The following ABRACL variants were observed in gnomAD, a reference collection of about 807,000 sequenced individuals.
The protein encoded by ABRACL is ABRA C-terminal like.
A neutral mutation model predicts 7.0 loss-of-function variants in ABRACL; 4 were observed. The observed-to-expected ratio is 0.57, with a 90% CI of 0.28 to 1.30. The LOEUF (loss-of-function observed/expected upper bound fraction) is 1.30, where lower values mean the gene tolerates loss of function less well. Among genes scored for constraint, ABRACL ranks in the 50% most tolerant of loss-of-function variants. ABRACL has a pLI of 0.10. For missense variants in ABRACL, 104 were observed against 97.3 expected, an observed-to-expected ratio of 1.07 and a Z score of -0.29; for synonymous variants, 30 against 36.0, an observed-to-expected ratio of 0.83 and a Z score of 0.60.
chr6:139,040,759 C>T (rs1321844170), intron 2 of ABRACL, among the ~76,000 whole-genome samples: 1 of 152,134 alleles, frequency 6.6e-6, no homozygotes, highest in Non-Finnish European at 1.5e-5. Context: ...ATCTTTTGTC[C>T]TCCTCATCTT....
intron 1 of ABRACL, 123 bp from the exon 2 acceptor site, chr6:139,034,031 GA>G (rs1387794096): frequency 9.2e-6 from 12 of 1,309,882 alleles, no homozygotes; most frequent in Admixed American, 2.1e-5. Flanking sequence ...ATATTTTTAG[GA>G]AAAGGAACAT....
chr6:139,029,254 G>A (rs1298343532), intron 1 of ABRACL, among the ~76,000 whole-genome samples: 4 of 152,158 alleles, frequency 2.6e-5, no homozygotes, highest in Non-Finnish European at 5.9e-5. Flanking sequence ...GGGGGCGAGA[G>A]GAGAGGCTGC....
chr6:139,042,309 G>A (rs1045261747), intron 2 of ABRACL, among the ~76,000 whole-genome samples: 1 of 152,148 alleles, frequency 6.6e-6, no homozygotes, highest in Admixed American at 6.5e-5. Flanking sequence ...CTCCCACCCT[G>A]GGGATTCCGA....
chr6:139,033,804 C>G (rs1459952990), intron 1 of ABRACL, among the ~76,000 whole-genome samples: 1 of 151,914 alleles, frequency 6.6e-6, no homozygotes. Context: ...GTGCTACACA[C>G]CTTTTGTATT....
At chr6:139,034,304 G>A in intron 2 of ABRACL, 83 bp downstream of exon 2, 2 of 1,612,034 alleles carry the variant, frequency 1.2e-6, no homozygotes, top group Admixed American at 1.7e-5. Flanking sequence ...AGCCTATGAA[G>A]GGGTCACCCA....
At chr6:139,041,524 TA>T (rs1193914217) in intron 2 of ABRACL, among the ~76,000 whole-genome samples, 1 of 49,636 alleles carries the variant, frequency 2.0e-5, no homozygotes, top group Non-Finnish European at 3.5e-5. Flanking sequence ...TATATATATA[TA>T]TATATATTTT....
At chr6:139,040,665 G>T (rs1398524025) in intron 2 of ABRACL, among the ~76,000 whole-genome samples, 1 of 152,198 alleles carries the variant, frequency 6.6e-6, no homozygotes, top group African/African-American at 2.4e-5. Context: ...AGAGTGTCAT[G>T]TAGGTAGAAA....
At chr6:139,041,447 C>CTATATA (rs1297906180) in intron 2 of ABRACL, among the ~76,000 whole-genome samples, 33 of 66,866 alleles carry the variant, frequency 4.9e-4, no homozygotes, top group African/African-American at 6.4e-4. Context: ...CTCTCTCTCT[C>CTATATA]TCTCTATATA....
intron 2 of ABRACL, among the ~76,000 whole-genome samples, chr6:139,039,679 A>T (rs143687035): frequency 7.9e-4 from 120 of 152,346 alleles, no homozygotes; most frequent in African/African-American, 2.6e-3. Flanking sequence ...CAAGCAGTTC[A>T]TTGTGACTGG....
At chr6:139,036,407 G>A (rs1786156874) in intron 2 of ABRACL, among the ~76,000 whole-genome samples, 1 of 152,032 alleles carries the variant, frequency 6.6e-6, no homozygotes, top group Non-Finnish European at 1.5e-5. Flanking sequence ...GATATCTTCG[G>A]GGGCCTTTAT....
chr6:139,036,371 A>G (rs1163410211), intron 2 of ABRACL, among the ~76,000 whole-genome samples: 1 of 152,136 alleles, frequency 6.6e-6, no homozygotes, highest in African/African-American at 2.4e-5. Flanking sequence ...GTAAGGTAAC[A>G]TACAGATTCT....
At chr6:139,037,593 AAC>A (rs1324274904) in intron 2 of ABRACL, among the ~76,000 whole-genome samples, 3 of 151,962 alleles carry the variant, frequency 2.0e-5, no homozygotes, top group African/African-American at 7.3e-5. Context: ...CAAAGAAATC[AAC>A]AGTCTTCCCT....
At chr6:139,033,830 G>A (rs1391852943) in intron 1 of ABRACL, among the ~76,000 whole-genome samples, 1 of 98,472 alleles carries the variant, frequency 1.0e-5, no homozygotes, top group Non-Finnish European at 2.4e-5. Context: ...TGCCTGGCAG[G>A]ATACCATGAA....
chr6:139,033,126 G>C (rs749135533), intron 1 of ABRACL, among the ~76,000 whole-genome samples: 1 of 152,224 alleles, frequency 6.6e-6, no homozygotes, highest in Non-Finnish European at 1.5e-5. Flanking sequence ...TATAGTCTGG[G>C]TTGAAGCCAC....
intron 1 of ABRACL, among the ~76,000 whole-genome samples, chr6:139,030,375 C>T (rs1013576879): frequency 1.3e-5 from 2 of 152,136 alleles, no homozygotes; most frequent in East Asian, 1.9e-4. Flanking sequence ...AACACCAGGT[C>T]TTATTTCTTC....
chr6:139,029,031 G>C (rs1466995520), intron 1 of ABRACL, among the ~76,000 whole-genome samples, 156 bp downstream of exon 1: 1 of 152,136 alleles, frequency 6.6e-6, no homozygotes, highest in African/African-American at 2.4e-5. Context: ...GCTGGGCCGA[G>C]ACCTCGCGGG....
At chr6:139,037,823 C>G (rs1003572149) in intron 2 of ABRACL, among the ~76,000 whole-genome samples, 5 of 148,116 alleles carry the variant, frequency 3.4e-5, no homozygotes, top group Non-Finnish European at 7.4e-5. Flanking sequence ...GTCACCCAGG[C>G]TGGAGTACAG....
At position 139,042,978 on chromosome 6, in the gene ABRACL, T is replaced by C; in HGVS notation, c.*75T>C. The C allele has an allele frequency of 8.1e-7, 1 of 1,234,806 alleles. No homozygotes were observed. The highest frequency in any genetic ancestry group is 1.1e-6 in the Non-Finnish European group (1 of 898,930). The allele number at this position is 1,234,806 out of a possible 1,614,324, so 76.5% of individuals were successfully genotyped here. Reference sequence around the variant, plus strand: ...GGAATATAAAGTGAAAGAACAAACATTTGAACATACTTAATGTATTTTTAT... The same window carrying C: ...GGAATATAAAGTGAAAGAACAAACACTTGAACATACTTAATGTATTTTTAT... On this transcript the variant is annotated 3_prime_UTR_variant, in exon 3 of 3. Transcript: ENST00000367660.
intron 1 of ABRACL, among the ~76,000 whole-genome samples, chr6:139,029,434 C>A (rs1240339643): frequency 3.3e-5 from 5 of 151,796 alleles, no homozygotes; most frequent in African/African-American, 9.7e-5. Context: ...GCTCTCGCGG[C>A]GCTTCGGGGC....
Sources: allele counts gnomAD v4.1 joint callset (sites outside exome capture counted in the v4.1 genomes callset), GRCh38; gene constraint gnomAD v4.1.1; transcripts MANE v1.5; gene names NCBI Gene and HGNC (gene_info 2026-07-23, HGNC 2026-07-21).